The following NCAPD3 variants were observed in gnomAD, a reference collection of about 807,000 sequenced individuals.
NCAPD3 encodes non-SMC condensin II complex subunit D3, also known as condensin-2 complex subunit D3.
A neutral mutation model predicts 182.9 loss-of-function variants in NCAPD3; 105 were observed. The observed-to-expected ratio is 0.57, with a 90% CI of 0.49 to 0.68. NCAPD3 has a LOEUF of 0.68. Ranked by LOEUF, NCAPD3 falls within the 30% of genes least tolerant of loss-of-function variation. NCAPD3 has a pLI of 0.00. For missense variants in NCAPD3, 1,944 were observed against 1,837.0 expected, an observed-to-expected ratio of 1.06 and a Z score of -1.07; for synonymous variants, 815 against 679.9, an observed-to-expected ratio of 1.20 and a Z score of -3.09.
At chr11:134,182,938 C>T (rs566812260) in intron 19 of NCAPD3, 7 of 315,940 alleles carry the variant, frequency 2.2e-5, no homozygotes, top group East Asian at 1.9e-4. Context: ...GAGGTTGTGT[C>T]GGCAGATTAA....
chr11:134,153,237 A>G (rs747486206), intron 33 of NCAPD3, 37 bp from the exon 34 acceptor site: 3 of 1,613,746 alleles, frequency 1.9e-6, no homozygotes, highest in African/African-American at 1.3e-5. Context: ...CAGCTTTCCC[A>G]GAACCTCAAA....
Position 134,152,553 on chromosome 11 carries a change from G to C in NCAPD3, c.*391C>G, listed in dbSNP as rs894894075. 1 of 161,254 alleles carries C rather than the reference G, an allele frequency of 6.2e-6. No individual in the cohort carries two copies. The highest frequency in any genetic ancestry group is 2.0e-4 in the South Asian group (1 of 4,908). 10.0% of individuals were successfully genotyped at this position (161,254 alleles called of 1,614,324 possible). Reference sequence around the variant, plus strand: ...TTAGAATCAAAATTTCGTCATTACAGATGGGAAAATATGTACTATAAGGAA... The same window carrying C: ...TTAGAATCAAAATTTCGTCATTACACATGGGAAAATATGTACTATAAGGAA... On this transcript the variant is annotated 3_prime_UTR_variant, in exon 35 of 35. Transcript: ENST00000534548.
intron 19 of NCAPD3, chr11:134,182,882 C>T: frequency 3.5e-6 from 1 of 288,184 alleles, no homozygotes; most frequent in South Asian, 3.0e-5. Flanking sequence ...AATATCCTAA[C>T]ATTCCAGACA....
At chr11:134,169,742 A>C (rs1943960998) in intron 24 of NCAPD3, among the ~76,000 whole-genome samples, 8 of 152,212 alleles carry the variant, frequency 5.3e-5, no homozygotes, top group Non-Finnish European at 1.2e-4. Context: ...AAACAGGCAA[A>C]CTGTTTGACT....
At chr11:134,168,729 C>T (rs1369703123) in intron 25 of NCAPD3, 127 bp from the exon 26 acceptor site, 2 of 1,410,206 alleles carry the variant, frequency 1.4e-6, no homozygotes, top group Admixed American at 2.0e-5. Flanking sequence ...GATCCCAGTG[C>T]TCATCACAGG....
chr11:134,199,270 C>T (rs1398737146), intron 13 of NCAPD3, among the ~76,000 whole-genome samples: 1 of 152,112 alleles, frequency 6.6e-6, no homozygotes, highest in Non-Finnish European at 1.5e-5. Flanking sequence ...TTAAAGCAGA[C>T]AATTAACAAG....
chr11:134,178,506 A>T, intron 22 of NCAPD3, 128 bp downstream of exon 22: 1 of 679,728 alleles, frequency 1.5e-6, no homozygotes, highest in Non-Finnish European at 2.4e-6. Context: ...CACCTCTAGG[A>T]ACCACATGGC....
intron 31 of NCAPD3, 66 bp from the exon 32 acceptor site, chr11:134,157,161 CAT>C (rs1471655767): frequency 1.2e-5 from 15 of 1,253,248 alleles, no homozygotes; most frequent in South Asian, 4.2e-5. Flanking sequence ...AAAACAACCA[CAT>C]GAGAAAACAT....
intron 16 of NCAPD3, among the ~76,000 whole-genome samples, chr11:134,188,204 G>T (rs12576088): frequency 2.0e-5 from 3 of 152,080 alleles, no homozygotes; most frequent in Non-Finnish European, 4.4e-5. Context: ...GCACCAATTA[G>T]CACTCTGTAA....
At chr11:134,167,321 A>G (rs1943863992) in intron 27 of NCAPD3, among the ~76,000 whole-genome samples, 2 of 74,092 alleles carry the variant, frequency 2.7e-5, no homozygotes, top group Non-Finnish European at 4.6e-5. Context: ...CACTTGTGAA[A>G]TGAGCCTGGG....
intron 16 of NCAPD3, chr11:134,186,136 A>G (rs1018170506): frequency 6.6e-6 from 1 of 152,234 alleles, no homozygotes; most frequent in Non-Finnish European, 1.5e-5. Context: ...CCACTCAGAA[A>G]TAGATATTTC....
intron 22 of NCAPD3, chr11:134,177,835 G>A (rs1213460604): frequency 5.9e-6 from 1 of 169,274 alleles, no homozygotes; most frequent in African/African-American, 2.4e-5. Context: ...AAATACCCAT[G>A]CTGAATTTGA....
At chr11:134,184,502 T>C in intron 19 of NCAPD3, 135 bp downstream of exon 19, 1 of 612,998 alleles carries the variant, frequency 1.6e-6, no homozygotes, top group Non-Finnish European at 2.8e-6. Flanking sequence ...CCTTGCCTTG[T>C]TGCGGCAATA....
At chr11:134,172,743 T>A (rs1004376685) in intron 24 of NCAPD3, among the ~76,000 whole-genome samples, 1 of 151,982 alleles carries the variant, frequency 6.6e-6, no homozygotes, top group Admixed American at 6.6e-5. Context: ...ATACCAGCGA[T>A]TAAAAATGTC....
chr11:134,168,926 T>C lies in NCAPD3; in HGVS notation c.3230A>G (p.Gln1077Arg). ...EKHEKYNKFPQSEREKRLFSL... is the reference protein window; with the variant it reads ...EKHEKYNKFPRSEREKRLFSL... ...TAGCTGCTTCACTGACCTCTCTGACTGGGGGAACTTGTTGTACTTCTCATG... is the reference window on the plus strand; with the variant it reads ...TAGCTGCTTCACTGACCTCTCTGACCGGGGGAACTTGTTGTACTTCTCATG... The change falls in exon 25 of 35, where the codon CAG (glutamine) becomes CGG (arginine). Residue 1077 changes from glutamine (Q) to arginine (R), a missense_variant. By Grantham distance (43) the Gln-to-Arg change is conservative (BLOSUM62 1). Around this residue, in one of 3 missense-constraint regions of NCAPD3, gnomAD observed 1,803 missense variants for 1,674.6 expected, o/e 1.08. Transcript: ENST00000534548. 6.2e-7 allele frequency: 1 copy of C among 1,613,368 alleles called. No homozygotes were observed. The highest frequency in any genetic ancestry group is 8.5e-7 in the Non-Finnish European group (1 of 1,179,602).
rs544097241 is a variant in NCAPD3 at position 134,218,366 on chromosome 11, C to G, written c.220-1268G>C. On this transcript the variant is annotated intron_variant, in intron 2 of 34. Coordinates refer to ENST00000534548, the MANE Select transcript of NCAPD3 (RefSeq NM_015261.3). ...GTCCAATCAGCTCTCCATTTCTGTC[C>G]TGGCTGCTTCTCACCCTCGGTGATC... is the stretch of plus-strand genomic sequence containing the variant. Among the ~76,000 whole-genome samples the G allele has an allele frequency of 2.0e-5, 3 of 152,290 alleles. No individual in the cohort carries two copies. The South Asian group carries it at 6.2e-4, about 32-fold the overall frequency.
At position 134,158,492 on chromosome 11, in the gene NCAPD3, C is replaced by A. The variant is rs1943490156; in HGVS notation, c.3871G>T (p.Ala1291Ser). 2 of 1,613,096 alleles carry A rather than the reference C, an allele frequency of 1.2e-6. No individual in the cohort carries two copies. The highest frequency in any genetic ancestry group is 1.7e-6 in the Non-Finnish European group (2 of 1,179,796). The part of the protein sequence containing the change: ...GAEVAPVAQV[A>S]LCLETVPVPA... ...ACTGGCACTGTTTCTAAACACAGGG[C>A]AACCTGGTAGAGAAGATAAAGAGTA... Residue 1291 changes from alanine to serine, a missense_variant, in exon 30 of 35, where the codon GCC becomes TCC. Ala to Ser is a moderately conservative substitution (Grantham distance 99). Coordinates refer to ENST00000534548, the MANE Select transcript of NCAPD3 (RefSeq NM_015261.3).
chr11:134,206,766 G>C, intron 7 of NCAPD3, 34 bp from the exon 8 acceptor site: 1 of 1,592,090 alleles, frequency 6.3e-7, no homozygotes, highest in Non-Finnish European at 8.5e-7. Context: ...TTTAAGATCG[G>C]ATGGAGAACA....
intron 20 of NCAPD3, 133 bp downstream of exon 20, chr11:134,180,944 G>A: frequency 2.3e-5 from 14 of 603,820 alleles, no homozygotes; most frequent in Admixed American, 3.2e-5. Context: ...CTTCTAAAAA[G>A]AGAAAGTAAG....
Sources: allele counts gnomAD v4.1 joint callset (sites outside exome capture counted in the v4.1 genomes callset), GRCh38; gene constraint gnomAD v4.1.1; regional missense constraint gnomAD v4.1.1; transcripts MANE v1.5; gene names NCBI Gene and HGNC (gene_info 2026-07-23, HGNC 2026-07-21).